The following MMP21 variants were observed in gnomAD, a reference collection of about 807,000 sequenced individuals.
The protein encoded by MMP21 is matrix metallopeptidase 21, also known as matrix metalloproteinase-21.
In MMP21, 40 loss-of-function variants were observed where a neutral mutation model predicts 47.8. That is an observed-to-expected ratio of 0.84 (90% CI 0.65 to 1.09). The LOEUF (loss-of-function observed/expected upper bound fraction) is 1.09, where lower values mean the gene tolerates loss of function less well. Ranked by LOEUF, MMP21 falls within the 50% of genes least tolerant of loss-of-function variation. MMP21 has a pLI of 0.00. For synonymous variants in MMP21, 341 were observed against 318.0 expected, an observed-to-expected ratio of 1.07 and a Z score of -0.77; for missense variants, 747 against 775.3, an observed-to-expected ratio of 0.96 and a Z score of 0.43.
Position 125,774,057 on chromosome 10 carries a change from C to G in MMP21, c.471G>C (p.Trp157Cys). The G allele has an allele frequency of 6.9e-7, 1 of 1,451,992 alleles. No individual in the cohort carries two copies. Among genetic ancestry groups the G allele is most frequent in the South Asian group, 1.3e-5 (1 of 74,324 alleles). 89.9% of individuals were successfully genotyped at this position (1,451,992 alleles called of 1,614,324 possible). A position where few individuals can be genotyped will look rare whatever the true frequency, so the allele number is the denominator to read the frequency against. Reference protein sequence around the residue: ...RAPLSLSRRGWQPRGYPDGGA... With the variant: ...RAPLSLSRRGCQPRGYPDGGA... ...CGCCGTCGGGGTAGCCCCGGGGCTGCCAACCCCGCCGGGACAAGGACAGCG... is the reference window on the plus strand; with the variant it reads ...CGCCGTCGGGGTAGCCCCGGGGCTGGCAACCCCGCCGGGACAAGGACAGCG... The change falls in exon 2 of 7, where the codon TGG becomes TGC. Residue 157 changes from tryptophan (W) to cysteine (C), a missense_variant. Trp to Cys is a radical substitution (Grantham distance 215). Transcript: ENST00000368808.
chr10:125,767,582 C>T lies in MMP21; in HGVS notation c.1360G>A (p.Ala454Thr), dbSNP rs201477908. The T allele has an allele frequency of 6.2e-7, 1 of 1,614,150 alleles. No individual in the cohort carries two copies. Among genetic ancestry groups the T allele is most frequent in the East Asian group, 2.2e-5 (1 of 44,886 alleles). ...AACTTCTGTCTTCGGTCATAAAACG[C>T]CGTGTCTAGGGGACTTGGGATGCCA... ...FPGIPSPLDT[A>T]FYDRRQKLIY... Residue 454 changes from alanine (A) to threonine (T), a missense_variant, in exon 6 of 7, where the codon GCG (alanine) becomes ACG (threonine). Transcript: ENST00000368808.
intron 6 of MMP21, among the ~76,000 whole-genome samples, chr10:125,767,281 C>T (rs889959753): frequency 1.3e-5 from 2 of 152,260 alleles, no homozygotes; most frequent in Admixed American, 1.3e-4. Context: ...AACACAGGCA[C>T]GTGCCACCAC....
At chr10:125,767,306 T>A (rs1280829324) in intron 6 of MMP21, among the ~76,000 whole-genome samples, 1 of 152,180 alleles carries the variant, frequency 6.6e-6, no homozygotes, top group African/African-American at 2.4e-5. Flanking sequence ...GGATAATTTC[T>A]GTATTTTTTG....
At position 125,774,260 on chromosome 10, in the gene MMP21, G is replaced by T; in HGVS notation, c.268C>A (p.Arg90Ser). 1.1e-5 allele frequency: 15 copies of T among 1,420,220 alleles called. No homozygotes were observed. Among genetic ancestry groups the T allele is most frequent in the Middle Eastern group, 2.4e-4 (1 of 4,130 alleles). The allele number at this position is 1,420,220 out of a possible 1,614,324, so 88.0% of individuals were successfully genotyped here. Residue 90 changes from arginine to serine, a missense_variant, in exon 2 of 7, where the codon CGC (arginine) becomes AGC (serine). Physicochemically the swap from Arg to Ser is moderately radical, Grantham distance 110. Coordinates refer to ENST00000368808, the MANE Select transcript of MMP21 (RefSeq NM_147191.1). Reference protein sequence around the residue: ...PKGAALAEAVRRFQRANALPA... With the variant: ...PKGAALAEAVSRFQRANALPA... Reference sequence around the variant, plus strand: ...AGCGCGTTCGCCCGCTGGAACCTGCGCACCGCCTCGGCCAGGGCGGCGCCC... The same window carrying T: ...AGCGCGTTCGCCCGCTGGAACCTGCTCACCGCCTCGGCCAGGGCGGCGCCC...
At position 125,775,657 on chromosome 10, in the gene MMP21, T is replaced by C. The variant is rs1250871446; in HGVS notation, c.162+3A>G. The C allele has an allele frequency of 6.2e-7, 1 of 1,602,392 alleles. No individual in the cohort carries two copies. Among genetic ancestry groups the C allele is most frequent in the South Asian group, 1.1e-5 (1 of 89,712 alleles). ...TATTGCTGTTCTTCCAGCTTCCTCCTACCTGAGCAGCGTGGAGGTCGGCAA... is the reference window on the plus strand; with the variant it reads ...TATTGCTGTTCTTCCAGCTTCCTCCCACCTGAGCAGCGTGGAGGTCGGCAA... On this transcript the variant is annotated splice_donor_region_variant and intron_variant, in intron 1 of 6. Coordinates refer to ENST00000368808, the MANE Select transcript of MMP21 (RefSeq NM_147191.1).
rs1176969120 is a variant in MMP21 at position 125,772,859 on chromosome 10, G to C, written c.698-109C>G. ...CAGGAGCCGGCAGCAGAGGTAGACAGAGTGGCAGCTCCTGGATTAAGTCCT... is the reference window on the plus strand; with the variant it reads ...CAGGAGCCGGCAGCAGAGGTAGACACAGTGGCAGCTCCTGGATTAAGTCCT... On this transcript the variant is annotated intron_variant, in intron 2 of 6. Transcript: ENST00000368808. The surrounding 1 kb of genome is among the most constrained non-coding windows in gnomAD (Gnocchi z 5.6). The C allele has an allele frequency of 5.6e-6, 7 of 1,239,806 alleles. No individual in the cohort carries two copies. The highest frequency in any genetic ancestry group is 7.9e-6 in the Non-Finnish European group (7 of 888,894). 76.8% of individuals were successfully genotyped at this position (1,239,806 alleles called of 1,614,324 possible). A position where few individuals can be genotyped will look rare whatever the true frequency, so the allele number is the denominator to read the frequency against.
At chr10:125,775,532 A>G (rs1850506778) in intron 1 of MMP21, 128 bp downstream of exon 1, 11 of 1,252,926 alleles carry the variant, frequency 8.8e-6, no homozygotes, top group Middle Eastern at 2.7e-4. Context: ...CTCTCAGCCC[A>G]GCCTGCCTGG....
chr10:125,767,331 T>C (rs190819736), intron 6 of MMP21, among the ~76,000 whole-genome samples: 2 of 152,302 alleles, frequency 1.3e-5, no homozygotes, highest in East Asian at 3.9e-4. Flanking sequence ...GACCGAAACA[T>C]GGGTTTCACC....
chr10:125,772,961 C>T lies in MMP21; in HGVS notation c.698-211G>A, dbSNP rs547806871. On this transcript the variant is annotated intron_variant, in intron 2 of 6. Transcript: ENST00000368808. The surrounding 1 kb of genome is among the most constrained non-coding windows in gnomAD (Gnocchi z 5.6). ...ACAGACTGTCAGAGACCAGCAGGCA[C>T]CAAGTGCCTGGGAGCAGAGGGGAGC... Among the ~76,000 whole-genome samples the T allele has an allele frequency of 3.9e-5, 6 of 152,286 alleles. No individual in the cohort carries two copies. In the South Asian group the frequency reaches 1.0e-3, roughly 26 times the overall value.
chr10:125,770,630 C>G (rs542840001), intron 4 of MMP21, 39 bp from the exon 5 acceptor site: 2 of 1,606,736 alleles, frequency 1.2e-6, no homozygotes, highest in East Asian at 4.5e-5. Context: ...TTGTCACATA[C>G]ATGGTGCAAA....
Position 125,772,358 on chromosome 10 carries a change from A to C in MMP21, c.839T>G (p.Val280Gly). ...TSDTGISLLK[V>G]AVHEIGHVLG... ...GACATGGCCAATTTCATGGACGGCC[A>C]CCTAGAAGGGGACACACACCATGGG... is the stretch of plus-strand genomic sequence containing the variant. Residue 280 changes from valine to glycine, a missense_variant and splice_region_variant, in exon 4 of 7, where the codon GTG becomes GGG. By Grantham distance (109) the Val-to-Gly change is moderately radical. Coordinates refer to ENST00000368808, the MANE Select transcript of MMP21 (RefSeq NM_147191.1). This position sits in a 1 kb window ranked among gnomAD's most constrained non-coding sequence, Gnocchi z 5.6. 6.2e-7 allele frequency: 1 copy of C among 1,613,966 alleles called. No individual in the cohort carries two copies. The highest frequency in any genetic ancestry group is 1.1e-5 in the South Asian group (1 of 91,066).
In MMP21 at chr10:125,772,856, A is replaced by T; in HGVS notation, c.698-106T>A. On this transcript the variant is annotated intron_variant, in intron 2 of 6. Coordinates refer to ENST00000368808, the MANE Select transcript of MMP21 (RefSeq NM_147191.1). The surrounding 1 kb of genome is among the most constrained non-coding windows in gnomAD (Gnocchi z 5.6). ...CTCCAGGAGCCGGCAGCAGAGGTAG[A>T]CAGAGTGGCAGCTCCTGGATTAAGT... The T allele has an allele frequency of 7.9e-7, 1 of 1,271,786 alleles. No individual in the cohort carries two copies. Among genetic ancestry groups the T allele is most frequent in the Non-Finnish European group, 1.1e-6 (1 of 915,708 alleles). 78.8% of individuals were successfully genotyped at this position (1,271,786 alleles called of 1,614,324 possible). A position where few individuals can be genotyped will look rare whatever the true frequency, so the allele number is the denominator to read the frequency against.
Position 125,772,076 on chromosome 10 carries a change from G to A in MMP21, c.979+142C>T. 2.1e-6 allele frequency: 2 copies of A among 959,922 alleles called. No individual in the cohort carries two copies. Among genetic ancestry groups the A allele is most frequent in the Non-Finnish European group, 3.1e-6 (2 of 639,304 alleles). 59.5% of individuals were successfully genotyped at this position (959,922 alleles called of 1,614,324 possible). A position where few individuals can be genotyped will look rare whatever the true frequency, so the allele number is the denominator to read the frequency against. On this transcript the variant is annotated intron_variant, in intron 4 of 6. Transcript: ENST00000368808. The surrounding 1 kb of genome is among the most constrained non-coding windows in gnomAD (Gnocchi z 5.6). The stretch of plus-strand genomic sequence containing the variant: ...AGAGAATGGCATCAGGGAGCTAGAG[G>A]GTGGCTACCCTTGGGTGACATGAGT...
At chr10:125,767,428 A>G in intron 6 of MMP21, 104 bp downstream of exon 6, 3 of 1,162,108 alleles carry the variant, frequency 2.6e-6, no homozygotes, top group Non-Finnish European at 3.6e-6. Context: ...GGCATGCGCC[A>G]CTGTGGCAGG....
intron 5 of MMP21, among the ~76,000 whole-genome samples, chr10:125,768,487 C>G (rs189567924): frequency 1.7e-4 from 26 of 152,350 alleles, no homozygotes; most frequent in Admixed American, 9.8e-4. Flanking sequence ...TATTTGGCAT[C>G]TTGCCAACAG....
rs779824251 is a variant in MMP21 at position 125,772,764 on chromosome 10, G to A, written c.698-14C>T. 6.2e-7 allele frequency: 1 copy of A among 1,610,460 alleles called. No individual in the cohort carries two copies. The highest frequency in any genetic ancestry group is 8.5e-7 in the Non-Finnish European group (1 of 1,178,288). The stretch of plus-strand genomic sequence containing the variant: ...CCAGGTGCCGGCCTGGCGAGGGGGA[G>A]GAGGAGTTGGTCCCGGTGAAGGATG... On this transcript the variant is annotated splice_polypyrimidine_tract_variant and intron_variant, in intron 2 of 6. Transcript: ENST00000368808. The surrounding 1 kb of genome is among the most constrained non-coding windows in gnomAD (Gnocchi z 5.6).
chr10:125,767,040 A>C (rs1316367284), intron 6 of MMP21, 79 bp from the exon 7 acceptor site: 1 of 1,157,570 alleles, frequency 8.6e-7, no homozygotes, highest in Non-Finnish European at 1.2e-6. Flanking sequence ...TGAGATAAGT[A>C]ACTCAAGACT....
chr10:125,767,507 C>T (rs1388325704), intron 6 of MMP21, 25 bp downstream of exon 6: 1 of 1,605,818 alleles, frequency 6.2e-7, no homozygotes, highest in Non-Finnish European at 8.5e-7. Context: ...AGAAGCATTG[C>T]TAGGCTGAAG....
intron 4 of MMP21, among the ~76,000 whole-genome samples, chr10:125,770,915 G>A (rs1850439550): frequency 6.6e-6 from 1 of 152,046 alleles, no homozygotes; most frequent in South Asian, 2.1e-4. Flanking sequence ...CCTTGGCACA[G>A]GTTACTTGGG....
Sources: gnomAD v4.1 joint callset for allele counts (sites outside exome capture counted in the v4.1 genomes callset) on GRCh38, gnomAD v4.1.1 for gene constraint, Gnocchi (gnomAD v3.1) non-coding constraint, MANE v1.5 for transcripts, NCBI Gene and HGNC (gene_info 2026-07-23, HGNC 2026-07-21) for gene names.